Variants in FUT8 observed in about 807,000 individuals in gnomAD.
FUT8 encodes fucosyltransferase 8.
A neutral mutation model predicts 71.3 loss-of-function variants in FUT8; 29 were observed. The ratio of observed to expected loss-of-function variants is 0.41; its 90% CI spans 0.30 to 0.55. The LOEUF is 0.55. Ranked by LOEUF, FUT8 falls within the 20% of genes least tolerant of loss-of-function variation. FUT8 has a pLI of 0.34. For missense variants in FUT8, 544 were observed against 702.1 expected (o/e 0.77, Z 2.55); for synonymous variants, 254 against 239.3 (o/e 1.06, Z -0.57).
At chr14:65,480,709 T>A (rs1198146809) in intron 2 of FUT8, among the ~76,000 whole-genome samples, 1 of 151,764 alleles carries the variant, frequency 6.6e-6, no homozygotes, top group Non-Finnish European at 1.5e-5. Flanking sequence ...TTTTTTTTTT[T>A]AAATGGAGTC....
At chr14:65,468,114 C>G (rs2066073942) in intron 2 of FUT8, 10 of 634,730 alleles carry the variant, frequency 1.6e-5, no homozygotes, top group South Asian at 1.3e-4. Context: ...TTGTTTACAA[C>G]TTGCTTACAG....
intron 2 of FUT8, among the ~76,000 whole-genome samples, chr14:65,522,775 A>G (rs1883171907): frequency 8.1e-6 from 1 of 124,112 alleles, no homozygotes; most frequent in South Asian, 2.6e-4. Context: ...TCCTGTGTCC[A>G]AGTGTTCGCA....
chr14:65,621,494 C>T (rs1173674745), intron 5 of FUT8, among the ~76,000 whole-genome samples: 4 of 151,978 alleles, frequency 2.6e-5, no homozygotes, highest in East Asian at 1.9e-4. Context: ...GTGATCTGCC[C>T]GCCTTGGCCC....
At chr14:65,715,045 C>A (rs1894983265) in intron 7 of FUT8, among the ~76,000 whole-genome samples, 1 of 152,096 alleles carries the variant, frequency 6.6e-6, no homozygotes, top group African/African-American at 2.4e-5. Flanking sequence ...TGATTTCTTT[C>A]TTTCCATTTT....
In FUT8 at chr14:65,743,106, T is replaced by C. The variant is rs1896585544; in HGVS notation, c.*696T>C. 1 of 152,322 alleles carries C rather than the reference T, an allele frequency of 6.6e-6. No homozygotes were observed. The highest frequency in any genetic ancestry group is 6.6e-5 in the Admixed American group (1 of 15,246). The allele number at this position is 152,322 out of a possible 1,614,324, so 9.4% of individuals were successfully genotyped here. ...CTTTAGTACTCAATGTTTCTGGACA[T>C]TCTCTTTGATAACAAAAAATAAATT... is the stretch of plus-strand genomic sequence containing the variant. On this transcript the variant is annotated 3_prime_UTR_variant, in exon 11 of 11. Transcript: ENST00000673929.
Position 65,467,798 on chromosome 14 carries a change from T to C in FUT8, c.-228+12080T>C. ...CAGTCTAGAGGTCTTTTATTTTTTTTAACACCTGTTATGCTATGAATTCAC... is the reference window on the plus strand; with the variant it reads ...CAGTCTAGAGGTCTTTTATTTTTTTCAACACCTGTTATGCTATGAATTCAC... On this transcript the variant is annotated intron_variant, in intron 2 of 10. Transcript: ENST00000673929. This position sits in a 1 kb window ranked among gnomAD's most constrained non-coding sequence, Gnocchi z 4.1. The C allele has an allele frequency of 2.8e-6, 2 of 721,174 alleles. No individual in the cohort carries two copies. The highest frequency in any genetic ancestry group is 3.1e-4 in the Middle Eastern group (1 of 3,198). The allele number at this position is 721,174 out of a possible 1,614,324, so 44.7% of individuals were successfully genotyped here.
intron 7 of FUT8, among the ~76,000 whole-genome samples, chr14:65,685,320 A>G (rs943751450): frequency 5.9e-5 from 9 of 152,234 alleles, no homozygotes; most frequent in African/African-American, 1.9e-4. Context: ...GGCCGTATAA[A>G]ACAGTGAGAA....
At chr14:65,522,678 T>C (rs542651522) in intron 2 of FUT8, among the ~76,000 whole-genome samples, 1 of 152,070 alleles carries the variant, frequency 6.6e-6, no homozygotes, top group South Asian at 2.1e-4. Flanking sequence ...ACCCATTAAC[T>C]CGTCATTTAT....
chr14:65,404,103 T>C, the FUT8 span, among the ~76,000 whole-genome samples: 1 of 151,190 alleles, frequency 6.6e-6, no homozygotes, highest in South Asian at 2.1e-4. Context: ...TGACCTCAGG[T>C]GATCCACCCG....
At chr14:65,389,247 C>G in the FUT8 span, among the ~76,000 whole-genome samples, 1 of 151,810 alleles carries the variant, frequency 6.6e-6, no homozygotes. Context: ...TTCTGTCACC[C>G]AGGCTGAAGT....
intron 10 of FUT8, among the ~76,000 whole-genome samples, chr14:65,737,868 C>T (rs1205779179): frequency 6.6e-6 from 1 of 152,078 alleles, no homozygotes; most frequent in Non-Finnish European, 1.5e-5. Flanking sequence ...CAATTCTACT[C>T]CCCTTATTAC....
intron 7 of FUT8, among the ~76,000 whole-genome samples, chr14:65,692,904 C>G (rs1006958755): frequency 1.2e-3 from 159 of 135,838 alleles, no homozygotes; most frequent in African/African-American, 1.5e-3. Flanking sequence ...ACATCTCAGA[C>G]GATGGGCGGC....
the FUT8 span, among the ~76,000 whole-genome samples, chr14:65,384,394 T>C: frequency 6.6e-6 from 1 of 152,134 alleles, no homozygotes; most frequent in Non-Finnish European, 1.5e-5. This position sits in a 1 kb window ranked among gnomAD's most constrained non-coding sequence, Gnocchi z 4.2. Flanking sequence ...ACTACAGGCA[T>C]GCACCACCAT....
At chr14:65,557,078 A>G (rs1885621449) in intron 2 of FUT8, among the ~76,000 whole-genome samples, 1 of 152,216 alleles carries the variant, frequency 6.6e-6, no homozygotes. Flanking sequence ...AGTGGTTTAT[A>G]TATGTTAACC....
rs547479539 is a variant in FUT8 at position 65,473,794 on chromosome 14, A to AT, written c.-228+18079dup. 2.6e-5 allele frequency among the ~76,000 whole-genome samples: 4 copies of AT among 152,278 alleles called. No homozygotes were observed. In the South Asian group the frequency reaches 8.3e-4, roughly 32 times the overall value. ...GTTTAGAACTGAATTGGGTCCAGCA[A>AT]TTTAAGTGGAAAATCAGTATGACTA... On this transcript the variant is annotated intron_variant, in intron 2 of 10. Coordinates refer to ENST00000673929, the MANE Select transcript of FUT8 (RefSeq NM_001371533.1).
At chr14:65,469,152 C>T (rs565304642) in intron 2 of FUT8, among the ~76,000 whole-genome samples, 2 of 152,052 alleles carry the variant, frequency 1.3e-5, no homozygotes, top group Non-Finnish European at 2.9e-5. Context: ...GTACTCCAGA[C>T]TGGGTAACAG....
At chr14:65,372,598 G>T in the FUT8 span, among the ~76,000 whole-genome samples, 5 of 151,938 alleles carry the variant, frequency 3.3e-5, no homozygotes, top group African/African-American at 1.2e-4. Flanking sequence ...TGCATTTTTA[G>T]TAGAGACGGG....
chr14:65,408,511 T>A (rs1467502658), upstream of FUT8, among the ~76,000 whole-genome samples: 2 of 152,192 alleles, frequency 1.3e-5, no homozygotes, highest in Admixed American at 6.6e-5. Flanking sequence ...ATTGGCTAAT[T>A]GAGTTGCCTT....
At chr14:65,670,130 A>G (rs1892405832) in intron 7 of FUT8, among the ~76,000 whole-genome samples, 1 of 152,234 alleles carries the variant, frequency 6.6e-6, no homozygotes, top group African/African-American at 2.4e-5. Context: ...AGATAGAAAC[A>G]TCAGTAAGAA....
Sources: allele counts gnomAD v4.1 joint callset (sites outside exome capture counted in the v4.1 genomes callset), GRCh38; gene constraint gnomAD v4.1.1; non-coding constraint Gnocchi (gnomAD v3.1); transcripts MANE v1.5; gene names NCBI Gene and HGNC (gene_info 2026-07-23, HGNC 2026-07-21).